Variants in CDK14 observed in about 807,000 individuals in gnomAD.
The protein encoded by CDK14 is cyclin-dependent kinase 14.
Under a neutral mutation model 60.7 loss-of-function variants are expected in CDK14, and 34 were observed. The ratio of observed to expected loss-of-function variants is 0.56; its 90% CI spans 0.43 to 0.75. The LOEUF is 0.75. Ranked by LOEUF, CDK14 falls within the 30% of genes least tolerant of loss-of-function variation. The pLI is 0.00. For missense variants in CDK14, 482 were observed against 564.1 expected (o/e 0.85, Z 1.47); for synonymous variants, 197 against 203.7 (o/e 0.97, Z 0.28).
chr7:90,709,389 T>G (rs1213991727), intron 2 of CDK14: 2 of 1,384,316 alleles, frequency 1.4e-6, no homozygotes, highest in African/African-American at 3.0e-5. Flanking sequence ...GAATTGAGCA[T>G]GATGAGGTGC....
chr7:90,817,696 A>G (rs1789401719), intron 5 of CDK14, among the ~76,000 whole-genome samples: 1 of 152,202 alleles, frequency 6.6e-6, no homozygotes, highest in South Asian at 2.1e-4. Flanking sequence ...AAAGTTCTAA[A>G]TGCATAGTAG....
At chr7:90,997,719 C>G (rs1411275292) in intron 10 of CDK14, among the ~76,000 whole-genome samples, 4 of 152,100 alleles carry the variant, frequency 2.6e-5, no homozygotes, top group Non-Finnish European at 5.9e-5. Context: ...AGGTTCTTTT[C>G]TTGGCTCTCA....
intron 2 of CDK14, among the ~76,000 whole-genome samples, chr7:90,630,916 G>GTGTA (rs1491055015): frequency 2.0e-5 from 3 of 150,558 alleles, no homozygotes; most frequent in African/African-American, 7.3e-5. Context: ...GTGTGTGTGT[G>GTGTA]TACCTAAATC....
intron 4 of CDK14, among the ~76,000 whole-genome samples, chr7:90,786,774 C>T (rs1206040258): frequency 6.7e-6 from 1 of 150,198 alleles, no homozygotes; most frequent in Non-Finnish European, 1.5e-5. Context: ...TTTAAATTAG[C>T]CTGACGTGAT....
chr7:90,723,005 G>A (rs1802510917), intron 2 of CDK14, among the ~76,000 whole-genome samples: 1 of 152,116 alleles, frequency 6.6e-6, no homozygotes, highest in Admixed American at 6.5e-5. Flanking sequence ...TTGTGAAAGT[G>A]GATGTCCTTG....
chr7:90,693,093 A>G lies in CDK14; in HGVS notation c.124-33474A>G, dbSNP rs73707479. On this transcript the variant is annotated intron_variant, in intron 2 of 14. Transcript: ENST00000380050. ...GTGAAAAGCCTGGTTTCTTTTTCAT[A>G]CTGTTATAGGAAGTATTTCAGATTT... Among the ~76,000 whole-genome samples the G allele has an allele frequency of 6.8e-3, 1,036 of 152,310 alleles. 8 individuals are homozygous for G. The highest frequency in any genetic ancestry group is 0.022 in the African/African-American group (923 of 41,582).
intron 5 of CDK14, among the ~76,000 whole-genome samples, chr7:90,820,121 A>G (rs1789491263): frequency 6.6e-6 from 1 of 152,152 alleles, no homozygotes; most frequent in African/African-American, 2.4e-5. Context: ...TTTGAATTTC[A>G]TATAAGAAGT....
intron 10 of CDK14, among the ~76,000 whole-genome samples, chr7:90,988,829 C>T (rs1352838706): frequency 1.3e-5 from 2 of 152,050 alleles, no homozygotes; most frequent in Admixed American, 6.6e-5. Context: ...TGCATTTGAA[C>T]GTTGATAACC....
At chr7:90,868,193 C>G (rs776869783) in intron 6 of CDK14, among the ~76,000 whole-genome samples, 1 of 151,742 alleles carries the variant, frequency 6.6e-6, no homozygotes, top group Non-Finnish European at 1.5e-5. Context: ...ACAATCAAGA[C>G]AGTTAAGGTA....
rs756965026 is a variant in CDK14, at chr7:91,207,508, T to G, written c.*372T>G. ...TTCACCAGCCATGTCTTAAATACAT[T>G]AAGACAACACATTTGGTGTTCACAC... On this transcript the variant is annotated 3_prime_UTR_variant, in exon 15 of 15. Coordinates refer to ENST00000380050, the MANE Select transcript of CDK14 (RefSeq NM_001287135.2). The G allele has an allele frequency of 1.3e-5, 2 of 152,684 alleles. No individual in the cohort carries two copies. Among genetic ancestry groups the G allele is most frequent in the Non-Finnish European group, 2.9e-5 (2 of 68,044 alleles). 9.5% of individuals were successfully genotyped at this position (152,684 alleles called of 1,614,324 possible).
At chr7:90,691,485 T>C (rs1283396288) in intron 2 of CDK14, among the ~76,000 whole-genome samples, 5 of 151,938 alleles carry the variant, frequency 3.3e-5, no homozygotes, top group African/African-American at 7.3e-5. Flanking sequence ...GAGGCTGTTG[T>C]GGATGGAGAA....
intron 10 of CDK14, among the ~76,000 whole-genome samples, chr7:91,031,829 C>G (rs753680646): frequency 6.6e-6 from 1 of 152,180 alleles, no homozygotes; most frequent in Non-Finnish European, 1.5e-5. Context: ...GGGAATGTCG[C>G]TCCTTGACTT....
intron 8 of CDK14, among the ~76,000 whole-genome samples, chr7:90,920,571 G>A (rs1793216906): frequency 6.6e-6 from 1 of 152,156 alleles, no homozygotes; most frequent in Admixed American, 6.5e-5. Flanking sequence ...TGCAAAGCTG[G>A]AATTCAGATG....
At chr7:90,749,127 A>G (rs945267291) in intron 4 of CDK14, among the ~76,000 whole-genome samples, 2 of 152,218 alleles carry the variant, frequency 1.3e-5, no homozygotes, top group Admixed American at 6.5e-5. Context: ...CAAAAGTAAT[A>G]GTATTAATTT....
rs1459716458 is a variant in CDK14, at chr7:91,200,708, T to C, written c.*29-6457T>C. 3.9e-5 allele frequency among the ~76,000 whole-genome samples: 6 copies of C among 152,354 alleles called. 1 individual carries two copies. The South Asian group carries it at 1.2e-3, about 32-fold the overall frequency. ...TACTCCAGTGGTCACTGGGATCCTC[T>C]GACTGTCTGGGTGCCCAAGTAAGGC... On this transcript the variant is annotated intron_variant, in intron 14 of 14. Transcript: ENST00000380050.
intron 2 of CDK14, among the ~76,000 whole-genome samples, chr7:90,724,271 C>G (rs374715616): frequency 1.1e-3 from 174 of 152,044 alleles, no homozygotes; most frequent in African/African-American, 4.0e-3. Flanking sequence ...ATCACTGCTC[C>G]CATTCCTGAT....
At chr7:91,161,209 G>A (rs1329400936) in intron 14 of CDK14, among the ~76,000 whole-genome samples, 3 of 152,174 alleles carry the variant, frequency 2.0e-5, no homozygotes, top group Non-Finnish European at 2.9e-5. Flanking sequence ...ATATTGTGGT[G>A]TAGAGGTAGG....
chr7:90,688,163 G>A (rs1357742103), intron 2 of CDK14, among the ~76,000 whole-genome samples: 1 of 152,178 alleles, frequency 6.6e-6, no homozygotes, highest in Non-Finnish European at 1.5e-5. Context: ...GGTTATCATA[G>A]CAGTCAGAAC....
chr7:90,628,553 G>A (rs947442767), intron 2 of CDK14, among the ~76,000 whole-genome samples: 8 of 152,126 alleles, frequency 5.3e-5, no homozygotes, highest in African/African-American at 1.9e-4. Context: ...AGGCATAGTG[G>A]CTCATGCCTG....
Sources: allele counts gnomAD v4.1 joint callset (sites outside exome capture counted in the v4.1 genomes callset), GRCh38; gene constraint gnomAD v4.1.1; transcripts MANE v1.5; gene names NCBI Gene and HGNC (gene_info 2026-07-23, HGNC 2026-07-21).